The following WASHC5 variants were observed in gnomAD, a reference collection of about 807,000 sequenced individuals.
WASHC5 encodes the protein WASH complex subunit strumpellin.
WASHC5 carries 101 observed loss-of-function variants against 150.4 expected under a neutral mutation model. The ratio of observed to expected loss-of-function variants is 0.67; its 90% CI spans 0.57 to 0.79. The LOEUF is 0.79. Ranked by LOEUF, WASHC5 falls within the 30% of genes least tolerant of loss-of-function variation. The pLI is 0.00. For synonymous variants in WASHC5, 467 were observed against 491.2 expected (o/e 0.95, Z 0.65); for missense variants, 1,195 against 1,396.3 (o/e 0.86, Z 2.30).
At chr8:125,061,710 C>T (rs901387657) in intron 11 of WASHC5, among the ~76,000 whole-genome samples, 5 of 152,106 alleles carry the variant, frequency 3.3e-5, no homozygotes, top group African/African-American at 1.2e-4. Flanking sequence ...CTGAACAATG[C>T]AGGGGGTGCC....
chr8:125,062,000 G>C (rs2130112659), intron 11 of WASHC5, among the ~76,000 whole-genome samples: 1 of 152,268 alleles, frequency 6.6e-6, no homozygotes. Context: ...TCACCAAGTT[G>C]ATCCCCTAAA....
chr8:125,086,948 TC>T (rs1687282237), intron 1 of WASHC5, among the ~76,000 whole-genome samples: 1 of 152,230 alleles, frequency 6.6e-6, no homozygotes, highest in Non-Finnish European at 1.5e-5. Context: ...CTTTAAGTCT[TC>T]CTAGCTGAAG....
chr8:125,046,900 G>C (rs1816083802), intron 20 of WASHC5, among the ~76,000 whole-genome samples: 1 of 152,122 alleles, frequency 6.6e-6, no homozygotes. Flanking sequence ...TACTTTGGGA[G>C]AATCTAGCAC....
chr8:125,054,341 A>C (rs1003807863), intron 17 of WASHC5, among the ~76,000 whole-genome samples: 2 of 152,278 alleles, frequency 1.3e-5, no homozygotes, highest in African/African-American at 4.8e-5. Flanking sequence ...GGTTGAGATA[A>C]ATCAAAAGCA....
At chr8:125,058,146 CATT>C (rs938532862) in intron 14 of WASHC5, among the ~76,000 whole-genome samples, 1 of 151,322 alleles carries the variant, frequency 6.6e-6, no homozygotes, top group African/African-American at 2.4e-5. Flanking sequence ...TAAGAAGTGC[CATT>C]ATTTTATGTG....
chr8:125,051,200 A>T (rs1816228585), intron 17 of WASHC5, among the ~76,000 whole-genome samples: 1 of 152,236 alleles, frequency 6.6e-6, no homozygotes, highest in Non-Finnish European at 1.5e-5. Flanking sequence ...TAAAATAAGA[A>T]AGCAAATCTG....
chr8:125,044,802 G>A, intron 20 of WASHC5, 104 bp from the exon 21 acceptor site: 1 of 1,156,984 alleles, frequency 8.6e-7, no homozygotes, highest in Non-Finnish European at 1.3e-6. Context: ...AAGAACAGGA[G>A]TTACATGATC....
intron 15 of WASHC5, 108 bp downstream of exon 15, chr8:125,057,447 TA>T: frequency 1.3e-6 from 1 of 776,714 alleles, no homozygotes; most frequent in Non-Finnish European, 2.2e-6. Context: ...ATCAAATTTT[TA>T]AAAGGGAAAG....
intron 17 of WASHC5, among the ~76,000 whole-genome samples, chr8:125,054,866 T>C (rs1046260356): frequency 7.4e-5 from 11 of 148,334 alleles, no homozygotes; most frequent in African/African-American, 2.7e-4. Flanking sequence ...GTACCTGGGG[T>C]GTGAAATAAA....
chr8:125,084,768 C>A (rs1282072039), intron 1 of WASHC5, among the ~76,000 whole-genome samples: 2 of 152,202 alleles, frequency 1.3e-5, no homozygotes, highest in Non-Finnish European at 2.9e-5. Context: ...ACCTCTTTGC[C>A]AGGCTGGATA....
intron 28 of WASHC5, among the ~76,000 whole-genome samples, chr8:125,025,106 G>A (rs1343665719): frequency 6.6e-6 from 1 of 152,074 alleles, no homozygotes; most frequent in Non-Finnish European, 1.5e-5. Flanking sequence ...AAGGCCAGAA[G>A]GGGAAGAGCA....
chr8:125,038,938 T>C lies in WASHC5; in HGVS notation c.2976A>G (p.Glu992=). 1 of 1,614,008 alleles carries C rather than the reference T, an allele frequency of 6.2e-7. No homozygotes were observed. Among genetic ancestry groups the C allele is most frequent in the South Asian group, 1.1e-5 (1 of 91,086 alleles). Residue 992 remains glutamate (E), a synonymous_variant, in exon 25 of 29, where the codon GAA becomes GAG. Coordinates refer to ENST00000318410, the MANE Select transcript of WASHC5 (RefSeq NM_014846.4). ...GAAGTGAAGGGTCCTGATAGTGGGC[T>C]TCAATGTCTGCTAGGAGAGCCCTAA... The part of the protein sequence containing the change: ...NLNKALLADI[E]AHYQDPSLPY...
At chr8:125,063,425 T>G in intron 11 of WASHC5, 97 bp downstream of exon 11, 7 of 1,282,478 alleles carry the variant, frequency 5.5e-6, no homozygotes, top group Non-Finnish European at 7.9e-6. Context: ...GATACAATAA[T>G]GAGAACATAA....
chr8:125,041,695 T>C (rs1455073850), intron 23 of WASHC5, among the ~76,000 whole-genome samples: 1 of 152,102 alleles, frequency 6.6e-6, no homozygotes, highest in Non-Finnish European at 1.5e-5. Flanking sequence ...GTTACTTAGC[T>C]AAATGGAGCT....
intron 8 of WASHC5, among the ~76,000 whole-genome samples, chr8:125,074,330 T>A (rs1816987957): frequency 6.6e-6 from 1 of 152,250 alleles, no homozygotes; most frequent in Admixed American, 6.5e-5. Flanking sequence ...GAATTCAATT[T>A]ACTTGAATAA....
rs1232509911 is a variant in WASHC5, at chr8:125,081,665, A to G, written c.514T>C (p.Tyr172His). 6.3e-7 allele frequency: 1 copy of G among 1,592,200 alleles called. No homozygotes were observed. Among genetic ancestry groups the G allele is most frequent in the Non-Finnish European group, 8.6e-7 (1 of 1,160,730 alleles). Residue 172 changes from tyrosine (Y) to histidine (H), a missense_variant, in exon 5 of 29, where the codon TAC (tyrosine) becomes CAC (histidine). Physicochemically the swap from Tyr to His is moderately conservative, Grantham distance 83 (BLOSUM62 2). Transcript: ENST00000318410. ...RERMLVSYYR[Y>H]SAARSSADSN... ...GTAGTCCTAGCCCAGGAATACCTGTATCGGTAGTAAGAAACCAGCATCCTC... is the reference window on the plus strand; with the variant it reads ...GTAGTCCTAGCCCAGGAATACCTGTGTCGGTAGTAAGAAACCAGCATCCTC...
At chr8:125,086,852 G>C (rs978492936) in intron 1 of WASHC5, among the ~76,000 whole-genome samples, 1 of 152,194 alleles carries the variant, frequency 6.6e-6, no homozygotes, top group Non-Finnish European at 1.5e-5. Context: ...TCCTGACACA[G>C]AAGAGAATGA....
chr8:125,089,714 G>A (rs1181269218), intron 1 of WASHC5, among the ~76,000 whole-genome samples: 1 of 152,226 alleles, frequency 6.6e-6, no homozygotes, highest in East Asian at 1.9e-4. Context: ...CACATTCGGG[G>A]AAGCTTCAGT....
Position 125,083,835 on chromosome 8 carries a change from C to T in WASHC5, c.64G>A (p.Gly22Ser), listed in dbSNP as rs1246631830. 1 of 1,613,994 alleles carries T rather than the reference C, an allele frequency of 6.2e-7. No homozygotes were observed. Among genetic ancestry groups the T allele is most frequent in the South Asian group, 1.1e-5 (1 of 91,060 alleles). ...GQAILRIVSC[G>S]NAIIAELLRL... ...AAAAGTTCAGCAATGATGGCATTAC[C>T]ACAGGAAACAATCCTTAGGATTGCT... The change falls in exon 2 of 29, where the codon GGT becomes AGT. Residue 22 changes from glycine (G) to serine (S), a missense_variant. Physicochemically the swap from Gly to Ser is moderately conservative, Grantham distance 56. Around this residue, in one of 3 missense-constraint regions of WASHC5, gnomAD observed 195 missense variants for 206.9 expected, o/e 0.94. Transcript: ENST00000318410.
Sources: gnomAD v4.1 joint callset for allele counts (sites outside exome capture counted in the v4.1 genomes callset) on GRCh38, gnomAD v4.1.1 for gene constraint, gnomAD v4.1.1 regional missense constraint, MANE v1.5 for transcripts, NCBI Gene and HGNC (gene_info 2026-07-23, HGNC 2026-07-21) for gene names.